The following LUZP2 variants were observed in gnomAD, a reference collection of about 807,000 sequenced individuals.
LUZP2 encodes the protein leucine zipper protein 2.
Under a neutral mutation model 51.6 loss-of-function variants are expected in LUZP2, and 52 were observed. The ratio of observed to expected loss-of-function variants is 1.01; its 90% confidence interval spans 0.81 to 1.27. LUZP2 has a LOEUF of 1.27. Among genes scored for constraint, LUZP2 ranks in the 50% most tolerant of loss-of-function variants. The probability of loss-of-function intolerance (pLI) is 0.00; values close to 1 mark genes in which losing one functional copy is unlikely to be tolerated. For missense variants in LUZP2, 436 were observed against 395.4 expected (o/e 1.10, Z -0.87); for synonymous variants, 154 against 137.3 (o/e 1.12, Z -0.85).
intron 5 of LUZP2, among the ~76,000 whole-genome samples, chr11:24,877,161 A>T (rs544287219): frequency 1.2e-3 from 183 of 152,306 alleles, no homozygotes; most frequent in Non-Finnish European, 2.1e-3. Context: ...TTGCAAAATG[A>T]TCATTGTGTT....
intron 7 of LUZP2, among the ~76,000 whole-genome samples, chr11:24,929,286 C>T (rs1212073825): frequency 6.6e-6 from 1 of 151,986 alleles, no homozygotes; most frequent in African/African-American, 2.4e-5. Context: ...TCTTGTTTCT[C>T]TAGTTCCTTG....
At position 24,686,551 on chromosome 11, in the gene LUZP2, A is replaced by G. The variant is rs531792298; in HGVS notation, c.63-42618A>G. On this transcript the variant is annotated intron_variant, in intron 1 of 11. Coordinates refer to ENST00000336930, the MANE Select transcript of LUZP2 (RefSeq NM_001009909.4). ...GTGTTTTTATTCTAAATGTGTAAGT[A>G]TATCTGTTCAAAATTCATCTGCATT... 1.2e-4 allele frequency among the ~76,000 whole-genome samples: 19 copies of G among 152,302 alleles called. 1 individual carries two copies. In the East Asian group the frequency reaches 3.1e-3, roughly 25 times the overall value.
intron 7 of LUZP2, among the ~76,000 whole-genome samples, chr11:24,947,482 A>C (rs1210457369): frequency 8.6e-5 from 13 of 152,008 alleles, no homozygotes; most frequent in Admixed American, 8.5e-4. Context: ...ATGTTGTTCA[A>C]GTGTTAACTA....
At chr11:24,820,601 T>C (rs1156714347) in intron 5 of LUZP2, among the ~76,000 whole-genome samples, 1 of 152,190 alleles carries the variant, frequency 6.6e-6, no homozygotes, top group South Asian at 2.1e-4. Context: ...TGTAGATAAC[T>C]GACAGTAGGA....
At chr11:25,012,522 C>G (rs1857015351) in intron 9 of LUZP2, among the ~76,000 whole-genome samples, 1 of 152,050 alleles carries the variant, frequency 6.6e-6, no homozygotes, top group Admixed American at 6.6e-5. Context: ...TTCTCAAAAC[C>G]CATTAAAGTC....
chr11:24,927,485 G>C (rs898584800), intron 7 of LUZP2, among the ~76,000 whole-genome samples: 1 of 150,694 alleles, frequency 6.6e-6, no homozygotes, highest in African/African-American at 2.4e-5. Flanking sequence ...TGGCTTATTT[G>C]TATATTAGGG....
intron 1 of LUZP2, among the ~76,000 whole-genome samples, chr11:24,577,522 A>G (rs1213909352): frequency 6.6e-6 from 1 of 152,164 alleles, no homozygotes; most frequent in Non-Finnish European, 1.5e-5. Flanking sequence ...ACATGCAACA[A>G]TACAGGATTA....
chr11:24,907,189 G>A (rs1853480658), intron 6 of LUZP2, among the ~76,000 whole-genome samples: 1 of 151,298 alleles, frequency 6.6e-6, no homozygotes, highest in Non-Finnish European at 1.5e-5. Flanking sequence ...GTTGAAGCGA[G>A]TCTGGAAAAT....
At chr11:24,758,443 A>G (rs151139907) in intron 4 of LUZP2, among the ~76,000 whole-genome samples, 6 of 152,136 alleles carry the variant, frequency 3.9e-5, no homozygotes, top group Non-Finnish European at 8.8e-5. Flanking sequence ...ACTGGGATCA[A>G]CACTTAAAAA....
intron 5 of LUZP2, chr11:24,891,329 T>A (rs1852846546): frequency 1.1e-6 from 1 of 936,982 alleles, no homozygotes; most frequent in Admixed American, 6.2e-5. Context: ...CACAAACATA[T>A]GGAGATATAT....
chr11:24,885,745 T>C (rs1248753068), intron 5 of LUZP2, among the ~76,000 whole-genome samples: 1 of 152,148 alleles, frequency 6.6e-6, no homozygotes, highest in Non-Finnish European at 1.5e-5. Context: ...TCTAAACGTG[T>C]TCCATTTTTT....
At chr11:24,663,089 A>G (rs940208991) in intron 1 of LUZP2, among the ~76,000 whole-genome samples, 1 of 152,178 alleles carries the variant, frequency 6.6e-6, no homozygotes, top group African/African-American at 2.4e-5. Flanking sequence ...TTATCTAGCC[A>G]TCTACCTAAG....
At chr11:25,003,033 C>T (rs1590823083) in intron 9 of LUZP2, among the ~76,000 whole-genome samples, 1 of 152,172 alleles carries the variant, frequency 6.6e-6, no homozygotes. Flanking sequence ...TTACGGAGGG[C>T]CCTGGTTCCT....
chr11:25,016,344 A>G (rs1036203367), intron 9 of LUZP2, among the ~76,000 whole-genome samples: 1 of 151,338 alleles, frequency 6.6e-6, no homozygotes, highest in Admixed American at 6.6e-5. Context: ...CCATTGTACC[A>G]CTCTCTATGC....
chr11:24,997,694 C>T (rs1422699100), intron 9 of LUZP2, among the ~76,000 whole-genome samples: 1 of 151,948 alleles, frequency 6.6e-6, no homozygotes, highest in Non-Finnish European at 1.5e-5. Context: ...AGTCCTTGCC[C>T]ATGCCTATGT....
intron 5 of LUZP2, among the ~76,000 whole-genome samples, chr11:24,883,246 G>A (rs940958080): frequency 1.4e-5 from 2 of 145,600 alleles, no homozygotes; most frequent in East Asian, 2.0e-4. Flanking sequence ...TACGTTAAGA[G>A]CGTAGGAAGA....
chr11:24,857,778 C>A (rs1189007135), intron 5 of LUZP2, among the ~76,000 whole-genome samples: 4 of 151,932 alleles, frequency 2.6e-5, no homozygotes, highest in Non-Finnish European at 5.9e-5. Context: ...CCACCTCCAC[C>A]CCTGATTCCT....
At chr11:24,712,641 T>G (rs2133934222) in intron 1 of LUZP2, among the ~76,000 whole-genome samples, 2 of 152,206 alleles carry the variant, frequency 1.3e-5, no homozygotes, top group Admixed American at 6.5e-5. Context: ...AGGTTTTGGT[T>G]AATGACTTAG....
At chr11:24,785,377 G>T (rs1407201147) in intron 5 of LUZP2, among the ~76,000 whole-genome samples, 1 of 152,018 alleles carries the variant, frequency 6.6e-6, no homozygotes, top group Admixed American at 6.6e-5. Context: ...GATTAATGGT[G>T]TGTTAAAAAG....
Sources: gnomAD v4.1 joint callset for allele counts (sites outside exome capture counted in the v4.1 genomes callset) on GRCh38, gnomAD v4.1.1 for gene constraint, MANE v1.5 for transcripts, NCBI Gene and HGNC (gene_info 2026-07-23, HGNC 2026-07-21) for gene names.